The following MBTPS1 variants were observed in gnomAD, a reference collection of about 807,000 sequenced individuals.
MBTPS1 encodes the protein membrane bound transcription factor peptidase, site 1.
MBTPS1 carries 94 observed loss-of-function variants against 127.8 expected under a neutral mutation model. The observed-to-expected ratio is 0.74, with a 90% CI of 0.62 to 0.87. MBTPS1 has a LOEUF of 0.87. Ranked by LOEUF, MBTPS1 falls within the 40% of genes least tolerant of loss-of-function variation. The pLI is 0.00. For synonymous variants in MBTPS1, 632 were observed against 509.4 expected, an observed-to-expected ratio of 1.24 and a Z score of -3.24; for missense variants, 1,636 against 1,353.2, an observed-to-expected ratio of 1.21 and a Z score of -3.28.
intron 11 of MBTPS1, among the ~76,000 whole-genome samples, chr16:84,076,379 G>A (rs987106219): frequency 2.6e-5 from 4 of 152,088 alleles, no homozygotes; most frequent in African/African-American, 9.7e-5. Context: ...TTAAGATTAG[G>A]AACAACGTAA....
At position 84,093,122 on chromosome 16, in the gene MBTPS1, C is replaced by T. The variant is rs919030424; in HGVS notation, c.846+66G>A. On this transcript the variant is annotated intron_variant, in intron 6 of 22. Coordinates refer to ENST00000343411, the MANE Select transcript of MBTPS1 (RefSeq NM_003791.4). ...TCCTTTTACACAAGTGTGTACAGTC[C>T]AGTGATTCTGCTTTTTACATTTCAG... 1.1e-5 allele frequency: 11 copies of T among 1,039,518 alleles called. No individual in the cohort carries two copies. In the African/African-American group the frequency reaches 1.1e-4, roughly 10 times the overall value. The allele number at this position is 1,039,518 out of a possible 1,614,324, so 64.4% of individuals were successfully genotyped here.
At chr16:84,056,419 A>G (rs1434592757) in intron 21 of MBTPS1, 3 of 284,436 alleles carry the variant, frequency 1.1e-5, no homozygotes, top group Non-Finnish European at 2.0e-5. Context: ...AAACATGACC[A>G]AGCGCCTCGG....
intron 8 of MBTPS1, among the ~76,000 whole-genome samples, chr16:84,090,343 C>G (rs1320589654): frequency 6.6e-6 from 1 of 152,194 alleles, no homozygotes; most frequent in Non-Finnish European, 1.5e-5. Flanking sequence ...TGACACTGTC[C>G]TCCCTGCCTC....
intron 9 of MBTPS1, 42 bp downstream of exon 9, chr16:84,087,316 T>A: frequency 6.7e-7 from 1 of 1,499,446 alleles, no homozygotes; most frequent in South Asian, 1.1e-5. Flanking sequence ...GCCACAGTAG[T>A]TTGTCCAGCT....
chr16:84,054,641 G>T lies in MBTPS1; in HGVS notation c.2967C>A (p.Ile989=), dbSNP rs754703682. The change falls in exon 23 of 23, where the codon ATC becomes ATA. Residue 989 remains isoleucine (I), a synonymous_variant. Coordinates refer to ENST00000343411, the MANE Select transcript of MBTPS1 (RefSeq NM_003791.4). ...CCTCCTGGTTGTAGCGGCCAGGCATGATCCCTGTAAGAGGACAGCCGGTTG... is the reference window on the plus strand; with the variant it reads ...CCTCCTGGTTGTAGCGGCCAGGCATTATCCCTGTAAGAGGACAGCCGGTTG... ...ESGAWDIPGG[I]MPGRYNQEVG... The T allele has an allele frequency of 6.3e-6, 10 of 1,598,406 alleles. No homozygotes were observed. The South Asian group carries it at 1.1e-4, about 18-fold the overall frequency.
intron 8 of MBTPS1, among the ~76,000 whole-genome samples, chr16:84,087,817 T>C (rs1225446856): frequency 6.6e-6 from 1 of 152,198 alleles, no homozygotes; most frequent in Non-Finnish European, 1.5e-5. Flanking sequence ...TCACAATTTA[T>C]CACCTAACGA....
chr16:84,104,932 C>A (rs1479741314), intron 1 of MBTPS1, among the ~76,000 whole-genome samples: 12 of 144,296 alleles, frequency 8.3e-5, no homozygotes, highest in Non-Finnish European at 1.8e-4. Context: ...ACCAACCGAC[C>A]CAAAAAAAAA....
At chr16:84,114,134 T>C (rs1048933611) in intron 1 of MBTPS1, among the ~76,000 whole-genome samples, 3 of 151,820 alleles carry the variant, frequency 2.0e-5, no homozygotes, top group African/African-American at 7.3e-5. Context: ...CCGGCTAATT[T>C]TTTTGTATTT....
Position 84,087,473 on chromosome 16 carries a change from CAAAAAAAAAA to C in MBTPS1, c.1032-23_1032-14del, listed in dbSNP as rs5818481. On this transcript the variant is annotated splice_polypyrimidine_tract_variant and intron_variant, in intron 8 of 22. Transcript: ENST00000343411. Reference sequence around the variant, plus strand: ...GTTATTCAGAGTGCTATATTGAGACCAAAAAAAAAAAAAAAGAAAAGAAAAAGAAAAAAAC... The same window carrying C: ...GTTATTCAGAGTGCTATATTGAGACCAAAAAGAAAAGAAAAAGAAAAAAAC... 3.9e-6 allele frequency: 4 copies of C among 1,036,902 alleles called. No homozygotes were observed. The highest frequency in any genetic ancestry group is 5.1e-5 in the Admixed American group (2 of 39,448). The allele number at this position is 1,036,902 out of a possible 1,614,324, so 64.2% of individuals were successfully genotyped here. A position where few individuals can be genotyped will look rare whatever the true frequency, so the allele number is the denominator to read the frequency against.
chr16:84,113,025 G>A (rs998930797), intron 1 of MBTPS1, among the ~76,000 whole-genome samples: 8 of 151,378 alleles, frequency 5.3e-5, no homozygotes, highest in African/African-American at 1.9e-4. Context: ...TAAGAGAGTG[G>A]CACAAAAATT....
chr16:84,114,257 G>A (rs1264331747), intron 1 of MBTPS1, among the ~76,000 whole-genome samples: 2 of 151,988 alleles, frequency 1.3e-5, no homozygotes, highest in African/African-American at 2.4e-5. Flanking sequence ...CATCACGCCC[G>A]GTCGACAAAG....
chr16:84,107,085 C>T (rs1470467111), intron 1 of MBTPS1, among the ~76,000 whole-genome samples: 2 of 152,136 alleles, frequency 1.3e-5, no homozygotes, highest in Non-Finnish European at 1.5e-5. Context: ...GGCAGAATCC[C>T]GGGCAATCCA....
Position 84,114,815 on chromosome 16 carries a change from C to T in MBTPS1, c.-325+1920G>A, listed in dbSNP as rs556933105. Among the ~76,000 whole-genome samples, 484 of 140,740 alleles carry T rather than the reference C, an allele frequency of 3.4e-3. 1 individual carries two copies. Among genetic ancestry groups the T allele is most frequent in the Middle Eastern group, 7.9e-3 (2 of 254 alleles). The allele number at this position is 140,740 out of a possible 152,430, so 92.3% of individuals were successfully genotyped here. A position where few individuals can be genotyped will look rare whatever the true frequency, so the allele number is the denominator to read the frequency against. On this transcript the variant is annotated intron_variant, in intron 1 of 22. Transcript: ENST00000343411. ...CTGCACTCCAGCCTGGGCGACAGAG[C>T]GAGACTCTGTCTCAAAAAAATAAAA...
At chr16:84,078,781 A>C (rs1310223139) in intron 11 of MBTPS1, among the ~76,000 whole-genome samples, 1 of 152,218 alleles carries the variant, frequency 6.6e-6, no homozygotes, top group Non-Finnish European at 1.5e-5. Flanking sequence ...GCAGAATCCA[A>C]AACAATATCC....
At chr16:84,087,657 C>T (rs900726838) in intron 8 of MBTPS1, among the ~76,000 whole-genome samples, 197 bp from the exon 9 acceptor site, 2 of 152,140 alleles carry the variant, frequency 1.3e-5, no homozygotes, top group Non-Finnish European at 2.9e-5. Flanking sequence ...TCATGCTGTG[C>T]TCACATTACG....
At chr16:84,106,311 A>G in intron 1 of MBTPS1, among the ~76,000 whole-genome samples, 1 of 152,230 alleles carries the variant, frequency 6.6e-6, no homozygotes, top group South Asian at 2.1e-4. Context: ...AATAATAATA[A>G]TAAATAAATA....
chr16:84,069,749 T>A, intron 14 of MBTPS1, 117 bp downstream of exon 14: 4 of 964,876 alleles, frequency 4.1e-6, no homozygotes, highest in Non-Finnish European at 6.2e-6. Flanking sequence ...CTCAGCGTCA[T>A]CAGAGTCCAG....
intron 14 of MBTPS1, among the ~76,000 whole-genome samples, chr16:84,069,378 G>C (rs539572760): frequency 2.0e-5 from 3 of 152,210 alleles, no homozygotes; most frequent in African/African-American, 7.2e-5. Flanking sequence ...GAGGAAGTCA[G>C]AATAGGCAGT....
intron 1 of MBTPS1, 97 bp from the exon 2 acceptor site, chr16:84,102,204 C>G (rs1372608700): frequency 1.3e-5 from 2 of 153,786 alleles, no homozygotes; most frequent in Non-Finnish European, 2.9e-5. Context: ...GTGGGTCAGC[C>G]AGGCAAGGTG....
Sources: allele counts gnomAD v4.1 joint callset (sites outside exome capture counted in the v4.1 genomes callset), GRCh38; gene constraint gnomAD v4.1.1; transcripts MANE v1.5; gene names NCBI Gene and HGNC (gene_info 2026-07-23, HGNC 2026-07-21).